Variants in RPH3A observed in about 807,000 individuals in gnomAD.
RPH3A encodes the protein rabphilin-3A.
RPH3A carries 48 observed loss-of-function variants against 102.2 expected under a neutral mutation model. The ratio of observed to expected loss-of-function variants is 0.47; its 90% confidence interval spans 0.37 to 0.60. The LOEUF (loss-of-function observed/expected upper bound fraction) is 0.60. Among genes scored for constraint, RPH3A ranks in the 20% least tolerant of loss-of-function variants. The pLI, the probability that RPH3A is intolerant of heterozygous loss-of-function variation, is 0.00. For missense variants in RPH3A, 781 were observed against 910.1 expected (o/e 0.86, Z 1.83); for synonymous variants, 310 against 324.3 (o/e 0.96, Z 0.47).
intron 1 of RPH3A, among the ~76,000 whole-genome samples, chr12:112,635,569 A>G (rs1279521982): frequency 1.3e-5 from 2 of 152,062 alleles, no homozygotes; most frequent in African/African-American, 4.8e-5. Context: ...AAAAATGCCA[A>G]AGAGGCTTAT....
chr12:112,581,285 G>A (rs1341931093), intron 1 of RPH3A, among the ~76,000 whole-genome samples: 1 of 152,182 alleles, frequency 6.6e-6, no homozygotes, highest in Non-Finnish European at 1.5e-5. Flanking sequence ...AGGCCATAGA[G>A]AGAGCATGTG....
chr12:112,745,514 A>T (rs974015173), intron 1 of RPH3A, among the ~76,000 whole-genome samples: 1 of 152,054 alleles, frequency 6.6e-6, no homozygotes, highest in African/African-American at 2.4e-5. Flanking sequence ...CCATTTATTC[A>T]TTTTATTCAC....
chr12:112,847,726 T>C lies in RPH3A; in HGVS notation c.114T>C (p.Gly38=). The C allele has an allele frequency of 1.2e-6, 2 of 1,614,062 alleles. No individual in the cohort carries two copies. The highest frequency in any genetic ancestry group is 1.7e-4 in the Middle Eastern group (1 of 6,026). The change falls in exon 5 of 22, where the codon GGT becomes GGC. Residue 38 remains glycine, a synonymous_variant. Transcript: ENST00000389385. ...QLQAGWSVHP[G]GQPDRQRKQE... ...AGGCAGGCTGGTCCGTCCACCCCGG[T>C]GGTCAGCCTGACAGGCAGAGGAAGC...
intron 13 of RPH3A, 58 bp downstream of exon 13, chr12:112,876,924 G>A: frequency 7.4e-7 from 1 of 1,356,860 alleles, no homozygotes; most frequent in Non-Finnish European, 1.0e-6. Flanking sequence ...GCCAAGCCCA[G>A]GAAAACAGGA....
chr12:112,653,200 G>C (rs2039987961), intron 1 of RPH3A, among the ~76,000 whole-genome samples: 1 of 151,884 alleles, frequency 6.6e-6, no homozygotes, highest in South Asian at 2.1e-4. Flanking sequence ...AGACCAGCCT[G>C]GTCAACGGTG....
intron 2 of RPH3A, among the ~76,000 whole-genome samples, chr12:112,803,343 G>T (rs2041392418): frequency 6.6e-6 from 1 of 151,956 alleles, no homozygotes; most frequent in Non-Finnish European, 1.5e-5. Flanking sequence ...GGGAGAGGAT[G>T]AATTATCAGG....
chr12:112,668,660 T>G (rs1217903087), intron 1 of RPH3A, among the ~76,000 whole-genome samples: 1 of 151,596 alleles, frequency 6.6e-6, no homozygotes, highest in Non-Finnish European at 1.5e-5. Context: ...GCCTGTCGGG[T>G]GGTGGGGGCA....
At chr12:112,577,680 A>G (rs957770609) in intron 1 of RPH3A, among the ~76,000 whole-genome samples, 3 of 151,804 alleles carry the variant, frequency 2.0e-5, no homozygotes, top group Non-Finnish European at 2.9e-5. Context: ...CTCTGGTTCA[A>G]ATGCCTCTGA....
At chr12:112,787,727 T>C (rs548341675), upstream of RPH3A, among the ~76,000 whole-genome samples, 488 of 152,264 alleles carry the variant, frequency 3.2e-3, 2 homozygotes, top group African/African-American at 0.01. Context: ...AGAACAGAAA[T>C]GAAACCATTA....
upstream of RPH3A, among the ~76,000 whole-genome samples, chr12:112,788,980 G>A (rs777910312): frequency 1.3e-5 from 2 of 152,140 alleles, no homozygotes; most frequent in Non-Finnish European, 2.9e-5. Context: ...CCAACATGGC[G>A]AAACCCCGTC....
At chr12:112,711,775 G>A (rs1365041032) in intron 1 of RPH3A, among the ~76,000 whole-genome samples, 2 of 152,100 alleles carry the variant, frequency 1.3e-5, no homozygotes, top group African/African-American at 4.8e-5. Flanking sequence ...TGGGGAGAAT[G>A]CTGCATCTGT....
chr12:112,648,570 CAAAAAAAAAAAAA>C lies in RPH3A; in HGVS notation c.-140+73267_-140+73279del, dbSNP rs1167121829. 0.024 allele frequency among the ~76,000 whole-genome samples: 264 copies of C among 11,044 alleles called. 14 individuals are homozygous for C. The South Asian group carries it at 0.28, about 12-fold the overall frequency. 7.2% of individuals were successfully genotyped at this position (11,044 alleles called of 152,430 possible). On this transcript the variant is annotated intron_variant, in intron 1 of 21. Transcript: ENST00000543106. ...GCAACAGAGTGAAACCCCATCTCTA[CAAAAAAAAAAAAA>C]AAAAAAAAAAAAAAAGCTAGGTGTT...
intron 1 of RPH3A, among the ~76,000 whole-genome samples, chr12:112,709,694 C>A (rs754097923): frequency 5.7e-4 from 87 of 152,286 alleles, no homozygotes; most frequent in Middle Eastern, 3.4e-3. Flanking sequence ...TCTGGGACAT[C>A]TGAAAAAATG....
intron 1 of RPH3A, among the ~76,000 whole-genome samples, chr12:112,770,456 C>T (rs1284053244): frequency 6.6e-6 from 1 of 152,074 alleles, no homozygotes; most frequent in Non-Finnish European, 1.5e-5. Flanking sequence ...AGTGATCTTC[C>T]CATCTCAGCC....
In RPH3A at chr12:112,897,993, T is replaced by C. The variant is rs918129399; in HGVS notation, c.*1213T>C. On this transcript the variant is annotated 3_prime_UTR_variant, in exon 22 of 22. Transcript: ENST00000389385. ...ATGAACAAGCTACCCTCCTCCCCAATGCCCTTGACTCTGTTTCATTGACTC... is the reference window on the plus strand; with the variant it reads ...ATGAACAAGCTACCCTCCTCCCCAACGCCCTTGACTCTGTTTCATTGACTC... 6.6e-6 allele frequency: 1 copy of C among 152,328 alleles called. No individual in the cohort carries two copies. Among genetic ancestry groups the C allele is most frequent in the African/African-American group, 2.4e-5 (1 of 41,458 alleles). 9.4% of individuals were successfully genotyped at this position (152,328 alleles called of 1,614,324 possible).
At position 112,746,724 on chromosome 12, in the gene RPH3A, G is replaced by A. The variant is rs912966469; in HGVS notation, c.-139-45419G>A. Among the ~76,000 whole-genome samples the A allele has an allele frequency of 6.6e-5, 10 of 152,206 alleles. 1 individual carries two copies. The South Asian group carries it at 8.3e-4, about 13-fold the overall frequency. ...TGTCTCCTTCTCTGCCAGGTCTTTC[G>A]GCCCTGCTCTCTGTCTCTGTCTGTC... On this transcript the variant is annotated intron_variant, in intron 1 of 21. Transcript: ENST00000543106.
intron 1 of RPH3A, among the ~76,000 whole-genome samples, chr12:112,768,285 T>C (rs771749419): frequency 5.9e-5 from 9 of 152,200 alleles, no homozygotes; most frequent in Non-Finnish European, 1.2e-4. Flanking sequence ...TGTGAGTTCA[T>C]GTCACTCCTG....
At chr12:112,650,916 G>C (rs573280547) in intron 1 of RPH3A, 2 of 151,990 alleles carry the variant, frequency 1.3e-5, no homozygotes, top group African/African-American at 2.4e-5. Context: ...TTTTTGTAGA[G>C]ACAGGGGTCT....
At chr12:112,655,495 G>A (rs71465860) in intron 1 of RPH3A, among the ~76,000 whole-genome samples, 1 of 151,380 alleles carries the variant, frequency 6.6e-6, no homozygotes, top group Non-Finnish European at 1.5e-5. Flanking sequence ...TTGTGTGTCC[G>A]GTCTTCAATC....
Sources: gnomAD v4.1 joint callset for allele counts (sites outside exome capture counted in the v4.1 genomes callset) on GRCh38, gnomAD v4.1.1 for gene constraint, MANE v1.5 for transcripts, NCBI Gene and HGNC (gene_info 2026-07-23, HGNC 2026-07-21) for gene names.